AFF2: variants seen among roughly 807,000 people sequenced by gnomAD.
AFF2 encodes ALF transcription elongation factor 2, also known as AF4/FMR2 family member 2.
Under a neutral mutation model 76.9 loss-of-function variants are expected in AFF2, and 14 were observed. The observed-to-expected ratio is 0.18, with a 90% confidence interval of 0.12 to 0.28. The LOEUF is 0.28. Ranked by LOEUF, AFF2 falls within the 10% of genes least tolerant of loss-of-function variation. AFF2 has a pLI of 1.00. For missense variants in AFF2, 868 were observed against 1,001.1 expected (o/e 0.87, Z 1.79); for synonymous variants, 398 against 366.7 (o/e 1.09, Z -0.98).
At chrX:148,722,783 T>C (rs573185597) in intron 3 of AFF2, among the ~76,000 whole-genome samples, 1 of 111,419 alleles carries the variant, frequency 9.0e-6, no homozygotes, top group South Asian at 3.8e-4. Flanking sequence ...GCCATTACAA[T>C]GAACTACCAC....
rs112391411 is a variant in AFF2, at chrX:148,581,070, TAC to T, written c.48-70923_48-70922del. The stretch of plus-strand genomic sequence containing the variant: ...ATACACATATGTGTATATGTATATA[TAC>T]ACACATATATACATATGTGTATATG... On this transcript the variant is annotated intron_variant, in intron 1 of 20. Coordinates refer to ENST00000370460, the MANE Select transcript of AFF2 (RefSeq NM_002025.4). Among the ~76,000 whole-genome samples the T allele has an allele frequency of 5.1e-3, 328 of 64,797 alleles. 16 individuals carry two copies. Among genetic ancestry groups the T allele is most frequent in the African/African-American group, 0.015 (304 of 20,360 alleles). 56.3% of individuals were successfully genotyped at this position (64,797 alleles called of 115,157 possible). A position where few individuals can be genotyped will look rare whatever the true frequency, so the allele number is the denominator to read the frequency against.
intron 1 of AFF2, among the ~76,000 whole-genome samples, chrX:148,510,934 A>G: frequency 8.9e-6 from 1 of 112,410 alleles, no homozygotes; most frequent in East Asian, 2.8e-4. Flanking sequence ...ATGAGGACCA[A>G]GAGAAGTGCT....
At chrX:148,790,620 T>C (rs1233347524) in intron 3 of AFF2, among the ~76,000 whole-genome samples, 2 of 102,305 alleles carry the variant, frequency 2.0e-5, no homozygotes, top group African/African-American at 3.7e-5. Flanking sequence ...TTCTTACTTA[T>C]AAATGGGAGC....
intron 3 of AFF2, among the ~76,000 whole-genome samples, chrX:148,707,994 A>C (rs1205055293): frequency 8.9e-6 from 1 of 112,073 alleles, no homozygotes; most frequent in Non-Finnish European, 1.9e-5. Context: ...ACATGAAATA[A>C]AAAGAACAAA....
chrX:148,512,626 CCAACAGCTACG>C (rs2124197685), intron 1 of AFF2, among the ~76,000 whole-genome samples: 1 of 112,265 alleles, frequency 8.9e-6, no homozygotes, highest in East Asian at 2.8e-4. Flanking sequence ...ATGATTTTAC[CCAACAGCTACG>C]CATAGTAGAA....
At chrX:148,677,305 T>G (rs2124485044) in intron 3 of AFF2, among the ~76,000 whole-genome samples, 1 of 111,769 alleles carries the variant, frequency 8.9e-6, no homozygotes. Flanking sequence ...TGTCATGCTG[T>G]CATGATATAG....
chrX:148,978,762 T>G (rs1442155843), intron 18 of AFF2, among the ~76,000 whole-genome samples: 3 of 111,573 alleles, frequency 2.7e-5, no homozygotes, highest in African/African-American at 9.8e-5. Flanking sequence ...GGGCACAGCT[T>G]GTGGCTATAG....
intron 7 of AFF2, among the ~76,000 whole-genome samples, chrX:148,861,671 A>C (rs901960285): frequency 2.5e-4 from 28 of 111,251 alleles, no homozygotes; most frequent in Non-Finnish European, 4.9e-4. Flanking sequence ...CTAGATAACT[A>C]CACCATTATA....
chrX:148,868,763 A>G (rs781860910), intron 7 of AFF2, among the ~76,000 whole-genome samples: 3 of 112,539 alleles, frequency 2.7e-5, no homozygotes, highest in Non-Finnish European at 5.6e-5. Context: ...AGCACGTGTT[A>G]TCTGCTTCCA....
intron 2 of AFF2, among the ~76,000 whole-genome samples, chrX:148,654,090 T>A (rs1324550292): frequency 9.1e-6 from 1 of 110,495 alleles, no homozygotes; most frequent in African/African-American, 3.3e-5. Flanking sequence ...TTCTTGGGAG[T>A]AGCACCATTT....
intron 7 of AFF2, among the ~76,000 whole-genome samples, chrX:148,853,906 T>C (rs2070759289): frequency 8.9e-6 from 1 of 112,170 alleles, no homozygotes; most frequent in Non-Finnish European, 1.9e-5. Context: ...AATTTAGTAA[T>C]AGTTTTAGCA....
chrX:148,860,583 G>T (rs1349474215), intron 7 of AFF2, among the ~76,000 whole-genome samples: 1 of 111,945 alleles, frequency 8.9e-6, no homozygotes, highest in Admixed American at 9.5e-5. Context: ...GAAACTATAA[G>T]CACATCTTGA....
At chrX:148,885,331 A>G (rs371641079) in intron 7 of AFF2, among the ~76,000 whole-genome samples, 1 of 111,642 alleles carries the variant, frequency 9.0e-6, no homozygotes, top group Non-Finnish European at 1.9e-5. Context: ...TCGGTCATAT[A>G]TCAGAAGGTT....
At chrX:148,759,215 G>A (rs781967088) in intron 3 of AFF2, among the ~76,000 whole-genome samples, 13 of 112,061 alleles carry the variant, frequency 1.2e-4, no homozygotes, top group Non-Finnish European at 2.4e-4. Context: ...GAAATGTCAC[G>A]ACTTTGGGTT....
intron 1 of AFF2, among the ~76,000 whole-genome samples, chrX:148,514,784 G>T (rs782446262): frequency 3.6e-5 from 4 of 112,099 alleles, no homozygotes; most frequent in African/African-American, 9.7e-5. Flanking sequence ...GTTTTATTTG[G>T]TTCCTTGAAT....
chrX:148,581,310 G>A (rs1308067926), intron 1 of AFF2, among the ~76,000 whole-genome samples: 31 of 20,649 alleles, frequency 1.5e-3, no homozygotes, highest in African/African-American at 6.5e-3. Context: ...ACACATATAC[G>A]TATACGTGTA....
intron 1 of AFF2, among the ~76,000 whole-genome samples, chrX:148,515,205 C>A (rs1557233649): frequency 8.9e-6 from 1 of 111,767 alleles, no homozygotes; most frequent in African/African-American, 3.3e-5. Flanking sequence ...GAGGCAGAGG[C>A]CTTTAATATC....
At chrX:148,572,827 ATAG>A (rs2053245182) in intron 1 of AFF2, among the ~76,000 whole-genome samples, 1 of 111,415 alleles carries the variant, frequency 9.0e-6, no homozygotes, top group South Asian at 3.7e-4. Flanking sequence ...CTGGAATTAG[ATAG>A]TGGTGTTTGT....
chrX:148,967,374 T>A (rs2072193353), intron 14 of AFF2, among the ~76,000 whole-genome samples: 2 of 112,190 alleles, frequency 1.8e-5, no homozygotes, highest in African/African-American at 6.5e-5. Flanking sequence ...TAGCTAGGTT[T>A]TGTTTGATCT....
Sources: gnomAD v4.1 joint callset for allele counts (sites outside exome capture counted in the v4.1 genomes callset) on GRCh38, gnomAD v4.1.1 for gene constraint, MANE v1.5 for transcripts, NCBI Gene and HGNC (gene_info 2026-07-23, HGNC 2026-07-21) for gene names.